Variants in ADCY9 observed in about 807,000 individuals in gnomAD.
ADCY9 encodes adenylate cyclase type 9.
A neutral mutation model predicts 101.5 loss-of-function variants in ADCY9; 50 were observed. That is an observed-to-expected ratio of 0.49 (90% confidence interval 0.39 to 0.62). The LOEUF (loss-of-function observed/expected upper bound fraction) is 0.62. ADCY9 is among the 20% of genes least tolerant of loss of function. The pLI is 0.00. For missense variants in ADCY9, 1,662 were observed against 1,800.4 expected, an observed-to-expected ratio of 0.92 and a Z score of 1.39; for synonymous variants, 905 against 769.3, an observed-to-expected ratio of 1.18 and a Z score of -2.92.
At chr16:3,962,084 C>T (rs575513971), downstream of ADCY9, among the ~76,000 whole-genome samples, 1 of 152,118 alleles carries the variant, frequency 6.6e-6, no homozygotes, top group Non-Finnish European at 1.5e-5. Flanking sequence ...GGGGAAGGGG[C>T]TCTAACCCCT....
intron 3 of ADCY9, among the ~76,000 whole-genome samples, chr16:4,004,565 A>G (rs1452327865): frequency 6.6e-6 from 1 of 152,220 alleles, no homozygotes; most frequent in Non-Finnish European, 1.5e-5. Flanking sequence ...GCATCGCTCC[A>G]TGTGTTTAAT....
intron 2 of ADCY9, 125 bp from the exon 3 acceptor site, chr16:4,007,683 G>C: frequency 3.9e-6 from 3 of 779,174 alleles, no homozygotes; most frequent in Non-Finnish European, 6.0e-6. Context: ...AATGTGAATA[G>C]GTCATAGTTT....
chr16:4,015,319 G>C (rs2056431292), intron 2 of ADCY9, among the ~76,000 whole-genome samples: 1 of 152,020 alleles, frequency 6.6e-6, no homozygotes, highest in Admixed American at 6.6e-5. Flanking sequence ...AACATAGGGA[G>C]AGTCCAGGAG....
intron 2 of ADCY9, among the ~76,000 whole-genome samples, chr16:4,086,174 G>C (rs2056937226): frequency 6.6e-6 from 1 of 151,714 alleles, no homozygotes; most frequent in Non-Finnish European, 1.5e-5. Flanking sequence ...AAAAAATCAA[G>C]TGCTGCCAGA....
chr16:4,044,132 A>G (rs1024989749), intron 2 of ADCY9, among the ~76,000 whole-genome samples: 3 of 152,112 alleles, frequency 2.0e-5, no homozygotes, highest in African/African-American at 7.2e-5. Flanking sequence ...GGATCACCTG[A>G]GATCAGGAGT....
At position 3,997,374 on chromosome 16, in the gene ADCY9, G is replaced by A. The variant is rs183801019; in HGVS notation, c.1885-3864C>T. Among the ~76,000 whole-genome samples, 12 of 152,364 alleles carry A rather than the reference G, an allele frequency of 7.9e-5. 1 individual carries two copies. Among genetic ancestry groups the A allele is most frequent in the South Asian group, 6.2e-4 (3 of 4,832 alleles). ...AGGGGCTGGAAGGCCGGTGCAGCCC[G>A]GGCATGCCCACTGGGATGAGGCTGA... On this transcript the variant is annotated intron_variant, in intron 3 of 10. Transcript: ENST00000294016.
chr16:4,071,599 A>C, intron 2 of ADCY9, among the ~76,000 whole-genome samples: 1 of 152,090 alleles, frequency 6.6e-6, no homozygotes, highest in South Asian at 2.1e-4. Flanking sequence ...AGAAATGGGG[A>C]AACTGGAGAA....
intron 3 of ADCY9, among the ~76,000 whole-genome samples, chr16:4,002,283 A>G (rs966988516): frequency 4.6e-5 from 7 of 152,224 alleles, no homozygotes; most frequent in Non-Finnish European, 5.9e-5. Context: ...AATTTCTATA[A>G]CGAATGAAAA....
chr16:4,005,705 C>A (rs183403625), intron 3 of ADCY9, among the ~76,000 whole-genome samples: 3 of 152,136 alleles, frequency 2.0e-5, no homozygotes, highest in African/African-American at 7.2e-5. Context: ...GTCACTAAAC[C>A]CGTGAGCATG....
intron 2 of ADCY9, among the ~76,000 whole-genome samples, chr16:4,086,456 G>A (rs896769490): frequency 4.6e-5 from 7 of 152,036 alleles, no homozygotes; most frequent in African/African-American, 1.4e-4. Context: ...GATGACACGC[G>A]CAGCTGGCAC....
intron 2 of ADCY9, among the ~76,000 whole-genome samples, chr16:4,054,947 T>C (rs2056727313): frequency 6.6e-6 from 1 of 152,206 alleles, no homozygotes; most frequent in Non-Finnish European, 1.5e-5. Flanking sequence ...TTTAGGGTTT[T>C]TGCGGGTTTT....
intron 2 of ADCY9, among the ~76,000 whole-genome samples, chr16:4,040,916 G>T (rs1161790968): frequency 6.6e-6 from 1 of 152,146 alleles, no homozygotes; most frequent in Non-Finnish European, 1.5e-5. Flanking sequence ...CGAGACAGGT[G>T]AAACAATTCT....
At chr16:3,956,450 G>C (rs998783043) in intron 5 of ADCY9, among the ~76,000 whole-genome samples, 3 of 140,702 alleles carry the variant, frequency 2.1e-5, no homozygotes, top group African/African-American at 5.3e-5. Context: ...TTCTGTTTCT[G>C]TTAAACAGCA....
At chr16:3,991,995 T>G (rs988306014) in intron 5 of ADCY9, 151 bp downstream of exon 5, 23 of 709,162 alleles carry the variant, frequency 3.2e-5, no homozygotes, top group Non-Finnish European at 4.8e-5. Context: ...CGTTTGAACC[T>G]GGGAGATAGA....
intron 5 of ADCY9, among the ~76,000 whole-genome samples, chr16:3,956,820 A>G (rs2055909255): frequency 6.6e-6 from 1 of 152,042 alleles, no homozygotes; most frequent in Admixed American, 6.6e-5. Context: ...CTATGGAGGC[A>G]CAAATGTGCA....
chr16:3,967,044 A>C, intron 10 of ADCY9, 78 bp from the exon 11 acceptor site: 1 of 1,275,606 alleles, frequency 7.8e-7, no homozygotes, highest in South Asian at 1.4e-5. Flanking sequence ...CTAGCTACGC[A>C]AAGCTTTGTT....
intron 2 of ADCY9, among the ~76,000 whole-genome samples, chr16:4,066,386 C>G (rs902226991): frequency 6.6e-6 from 1 of 152,000 alleles, no homozygotes; most frequent in Non-Finnish European, 1.5e-5. Context: ...AGTGATTTTA[C>G]CTTTACCTAT....
Position 4,115,551 on chromosome 16 carries a change from C to G in ADCY9, c.-43-66G>C. 1 of 1,347,332 alleles carries G rather than the reference C, an allele frequency of 7.4e-7. No homozygotes were observed. The highest frequency in any genetic ancestry group is 9.8e-7 in the Non-Finnish European group (1 of 1,016,628). 83.5% of individuals were successfully genotyped at this position (1,347,332 alleles called of 1,614,324 possible). On this transcript the variant is annotated intron_variant, in intron 1 of 10. Transcript: ENST00000294016. This position sits in a 1 kb window ranked among gnomAD's most constrained non-coding sequence, Gnocchi z 6.2. ...GGCATGCACGCCTAGAGGCCCGGGA[C>G]CTGCTCCTGTCCTAAGGGGCGGCTC...
intron 7 of ADCY9, among the ~76,000 whole-genome samples, chr16:3,981,066 A>G (rs913370393): frequency 1.3e-5 from 2 of 152,146 alleles, no homozygotes; most frequent in African/African-American, 4.8e-5. Flanking sequence ...GGTCCTCAAC[A>G]CGGCCCTCAG....
Sources: gnomAD v4.1 joint callset for allele counts (sites outside exome capture counted in the v4.1 genomes callset) on GRCh38, gnomAD v4.1.1 for gene constraint, Gnocchi (gnomAD v3.1) non-coding constraint, MANE v1.5 for transcripts, NCBI Gene and HGNC (gene_info 2026-07-23, HGNC 2026-07-21) for gene names.